TET3: variants seen among roughly 807,000 people sequenced by gnomAD.
The protein encoded by TET3 is tet methylcytosine dioxygenase 3.
TET3 carries 19 observed loss-of-function variants against 141.4 expected under a neutral mutation model. That is an observed-to-expected ratio of 0.13 (90% CI 0.09 to 0.20). The LOEUF (loss-of-function observed/expected upper bound fraction) is 0.20, where lower values mean the gene tolerates loss of function less well. Among genes scored for constraint, TET3 ranks in the 10% least tolerant of loss-of-function variants. TET3 has a pLI of 1.00. For synonymous variants in TET3, 1,043 were observed against 980.9 expected, an observed-to-expected ratio of 1.06 and a Z score of -1.18; for missense variants, 1,874 against 2,356.9, an observed-to-expected ratio of 0.80 and a Z score of 4.24.
intron 3 of TET3, among the ~76,000 whole-genome samples, chr2:74,043,446 G>T (rs1687451994): frequency 6.6e-6 from 1 of 152,202 alleles, no homozygotes; most frequent in Non-Finnish European, 1.5e-5. Flanking sequence ...CATCAAGTGG[G>T]GGAGGGAGGC....
chr2:74,061,147 A>AC lies in TET3; in HGVS notation c.2495-12394dup, dbSNP rs1257906163. ...GGGCGGCCGGCCGGGCGGGGGGCTGACCCCCCCCACTTCCCTCCCGGACGG... is the reference window on the plus strand; with the variant it reads ...GGGCGGCCGGCCGGGCGGGGGGCTGACCCCCCCCCACTTCCCTCCCGGACGG... On this transcript the variant is annotated intron_variant, in intron 4 of 11. Transcript: ENST00000409262. Among the ~76,000 whole-genome samples, 527 of 129,206 alleles carry AC rather than the reference A, an allele frequency of 4.1e-3. 1 individual carries two copies. Among genetic ancestry groups the AC allele is most frequent in the Middle Eastern group, 0.013 (3 of 224 alleles). 84.8% of individuals were successfully genotyped at this position (129,206 alleles called of 152,430 possible).
chr2:74,000,855 G>A (rs1684812176), intron 2 of TET3, among the ~76,000 whole-genome samples: 1 of 152,178 alleles, frequency 6.6e-6, no homozygotes, highest in Admixed American at 6.5e-5. Context: ...CAACATGGTT[G>A]GCACAGGGCC....
At chr2:74,133,072 A>ATTTTTTT in the TET3 span, among the ~76,000 whole-genome samples, 2 of 105,154 alleles carry the variant, frequency 1.9e-5, no homozygotes, top group Admixed American at 9.1e-5. Context: ...TAATTTTTGT[A>ATTTTTTT]TTTTTTTTTT....
chr2:73,990,283 G>T (rs1684257393), intron 2 of TET3, among the ~76,000 whole-genome samples: 1 of 152,126 alleles, frequency 6.6e-6, no homozygotes, highest in South Asian at 2.1e-4. Context: ...AAAGACTGAG[G>T]TGGGAGAATC....
chr2:74,061,252 C>G (rs1158211438), intron 4 of TET3, among the ~76,000 whole-genome samples: 8 of 141,694 alleles, frequency 5.6e-5, no homozygotes, highest in Non-Finnish European at 1.2e-4. Flanking sequence ...GCTGACCCCC[C>G]CACTTCCCTC....
chr2:73,986,116 C>A lies in TET3; in HGVS notation c.-288C>A, dbSNP rs1023422247. The A allele has an allele frequency of 3.5e-6, 1 of 283,898 alleles. No homozygotes were observed. Among genetic ancestry groups the A allele is most frequent in the African/African-American group, 2.2e-5 (1 of 46,328 alleles). The allele number at this position is 283,898 out of a possible 1,614,324, so 17.6% of individuals were successfully genotyped here. A position where few individuals can be genotyped will look rare whatever the true frequency, so the allele number is the denominator to read the frequency against. On this transcript the variant is annotated 5_prime_UTR_variant, in exon 2 of 12. Transcript: ENST00000409262. ...AGGGTGGGTGAGGGTGAAGAACCCA[C>A]CGGGCCAAGATGATCCCTTTTCTGA...
chr2:74,090,869 G>A (rs570562323), intron 8 of TET3, among the ~76,000 whole-genome samples: 4 of 152,198 alleles, frequency 2.6e-5, no homozygotes, highest in East Asian at 1.9e-4. Context: ...GCTCCTGAGC[G>A]GGTGGAGTGC....
chr2:74,038,806 C>T (rs545096672), intron 3 of TET3, among the ~76,000 whole-genome samples: 2 of 152,148 alleles, frequency 1.3e-5, no homozygotes, highest in East Asian at 1.9e-4. Context: ...TACACTCTTA[C>T]GAAAAGATCC....
chr2:74,018,889 T>A (rs966163674), intron 3 of TET3, among the ~76,000 whole-genome samples: 1 of 152,162 alleles, frequency 6.6e-6, no homozygotes, highest in Non-Finnish European at 1.5e-5. Context: ...TTACAATGAA[T>A]CTTCCTATCC....
chr2:73,996,681 T>C (rs1684609140), intron 2 of TET3, among the ~76,000 whole-genome samples: 1 of 152,166 alleles, frequency 6.6e-6, no homozygotes. Context: ...ATAATTTTTG[T>C]ATTTTTAGTA....
chr2:73,986,789 C>T (rs1417758396), intron 2 of TET3, 83 bp downstream of exon 2: 2 of 1,157,578 alleles, frequency 1.7e-6, no homozygotes, highest in Non-Finnish European at 2.2e-6. Context: ...AAGGCTCGTC[C>T]AGTTGAGTCC....
Position 74,047,295 on chromosome 2 carries a change from A to T in TET3, c.1378A>T (p.Met460Leu), listed in dbSNP as rs551067384. 1 of 1,613,756 alleles carries T rather than the reference A, an allele frequency of 6.2e-7. No homozygotes were observed. Among genetic ancestry groups the T allele is most frequent in the Non-Finnish European group, 8.5e-7 (1 of 1,179,876 alleles). Residue 460 changes from methionine to leucine, a missense_variant, in exon 4 of 12, where the codon ATG becomes TTG. Transcript: ENST00000409262. ...WPMPRPSPDP[M>L]AELEQLLGSA... ...CATGCCTCGCCCAAGCCCCGATCCC[A>T]TGGCTGAACTGGAGCAGTTGTTGGG... is the stretch of plus-strand genomic sequence containing the variant.
intron 4 of TET3, among the ~76,000 whole-genome samples, chr2:74,070,692 G>A (rs1280754925): frequency 3.3e-5 from 5 of 152,248 alleles, no homozygotes; most frequent in East Asian, 1.9e-4. Context: ...CAAAAATACC[G>A]GCCAGTCCCA....
Position 74,046,421 on chromosome 2 carries a change from G to A in TET3, c.504G>A (p.Leu168=). The A allele has an allele frequency of 6.3e-7, 1 of 1,588,222 alleles. No homozygotes were observed. The highest frequency in any genetic ancestry group is 1.3e-5 in the African/African-American group (1 of 74,452). ...GAGAGCCCGCTGGACCCAGTCTGCT[G>A]GGGACTGGGGGTCCTTGGCGGGTAG... The part of the protein sequence containing the change: ...GAREPAGPSL[L]GTGGPWRVDQ... The change falls in exon 4 of 12, where the codon CTG becomes CTA. Residue 168 remains leucine, a synonymous_variant. Transcript: ENST00000409262. The surrounding 1 kb of genome is among the most constrained non-coding windows in gnomAD (Gnocchi z 4.3).
intron 4 of TET3, among the ~76,000 whole-genome samples, chr2:74,061,330 C>T (rs1260733254): frequency 1.2e-4 from 16 of 138,412 alleles, no homozygotes; most frequent in Non-Finnish European, 2.1e-4. Context: ...GGCAGAGGCG[C>T]CCCTCACCTC....
chr2:74,081,651 G>A (rs552264600), intron 6 of TET3, among the ~76,000 whole-genome samples: 68 of 152,298 alleles, frequency 4.5e-4, no homozygotes, highest in Non-Finnish European at 8.7e-4. Flanking sequence ...CTGTGAGGGA[G>A]GCGGGTAAGA....
chr2:74,049,163 G>T (rs543713217), intron 4 of TET3, among the ~76,000 whole-genome samples: 48 of 152,254 alleles, frequency 3.2e-4, no homozygotes, highest in African/African-American at 1.2e-3. Context: ...AGGAAGGCTT[G>T]TGGGAGGAGG....
intron 2 of TET3, among the ~76,000 whole-genome samples, chr2:73,992,782 A>C (rs1684401753): frequency 1.3e-5 from 2 of 152,196 alleles, no homozygotes; most frequent in African/African-American, 4.8e-5. Flanking sequence ...GTAAATATAT[A>C]ATCTTAATGT....
rs1691373760 is a variant in TET3, at chr2:74,104,045, G to GT, written c.*1870dup. On this transcript the variant is annotated 3_prime_UTR_variant, in exon 12 of 12. Coordinates refer to ENST00000409262, the MANE Select transcript of TET3 (RefSeq NM_001287491.2). ...TTGGAAGCACTGGCGGAGGGTCGTT[G>GT]TAAGATGTCCTGAGCATTTATGTGG... The GT allele has an allele frequency of 6.5e-6, 1 of 153,686 alleles. No individual in the cohort carries two copies. The highest frequency in any genetic ancestry group is 2.4e-5 in the African/African-American group (1 of 41,410). 9.5% of individuals were successfully genotyped at this position (153,686 alleles called of 1,614,324 possible). A position where few individuals can be genotyped will look rare whatever the true frequency, so the allele number is the denominator to read the frequency against.
Sources: allele counts gnomAD v4.1 joint callset (sites outside exome capture counted in the v4.1 genomes callset), GRCh38; gene constraint gnomAD v4.1.1; non-coding constraint Gnocchi (gnomAD v3.1); transcripts MANE v1.5; gene names NCBI Gene and HGNC (gene_info 2026-07-23, HGNC 2026-07-21).